PPARG: variants seen among roughly 807,000 people sequenced by gnomAD.
PPARG encodes peroxisome proliferator-activated receptor gamma.
In PPARG, 17 loss-of-function variants were observed where a neutral mutation model predicts 39.2. The observed-to-expected ratio is 0.43, with a 90% CI of 0.30 to 0.65. PPARG has a LOEUF of 0.65. Ranked by LOEUF, PPARG falls within the 30% of genes least tolerant of loss-of-function variation. The pLI is 0.13. For missense variants in PPARG, 406 were observed against 585.9 expected (o/e 0.69, Z 3.17); for synonymous variants, 223 against 215.7 (o/e 1.03, Z -0.30).
intron 2 of PPARG, among the ~76,000 whole-genome samples, chr3:12,368,183 C>CTTTTTTTTTTTTTTTTTTTTTTT (rs556381640): frequency 7.5e-6 from 1 of 133,468 alleles, no homozygotes; most frequent in Non-Finnish European, 1.6e-5. Context: ...TTTTCTTTTT[C>CTTTTTTTTTTTTTTTTTTTTTTT]TTTTTTGTTT....
chr3:12,424,664 G>T (rs1298386027), intron 7 of PPARG, among the ~76,000 whole-genome samples: 1 of 152,166 alleles, frequency 6.6e-6, no homozygotes, highest in African/African-American at 2.4e-5. Flanking sequence ...CCTAGCAGAG[G>T]TAGTGAAGGC....
At chr3:12,401,610 AAGAC>A (rs1474208260) in intron 5 of PPARG, among the ~76,000 whole-genome samples, 1 of 90,882 alleles carries the variant, frequency 1.1e-5, no homozygotes, top group Non-Finnish European at 2.1e-5. Flanking sequence ...CCTCAGCTGA[AAGAC>A]AGAAAAAAAA....
chr3:12,328,434 C>T (rs1247316688), intron 2 of PPARG, among the ~76,000 whole-genome samples: 1 of 152,228 alleles, frequency 6.6e-6, no homozygotes, highest in Non-Finnish European at 1.5e-5. Flanking sequence ...GCCCCATTTG[C>T]TTCCCAGCCC....
chr3:12,332,541 T>C (rs570209072), intron 2 of PPARG, among the ~76,000 whole-genome samples: 20 of 152,212 alleles, frequency 1.3e-4, no homozygotes, highest in Non-Finnish European at 2.6e-4. Flanking sequence ...ATCACAGTTA[T>C]ATGGCATTTG....
At chr3:12,339,038 C>T (rs1474415453) in intron 2 of PPARG, among the ~76,000 whole-genome samples, 1 of 152,044 alleles carries the variant, frequency 6.6e-6, no homozygotes, top group African/African-American at 2.4e-5. Flanking sequence ...TCTAAATGTC[C>T]ATCAGCTGAA....
intron 1 of PPARG, among the ~76,000 whole-genome samples, chr3:12,295,543 C>T (rs369810480): frequency 2.3e-4 from 33 of 146,472 alleles, no homozygotes; most frequent in Admixed American, 6.8e-4. Context: ...GATGGAGTTT[C>T]GCTCTTGTTG....
chr3:12,368,800 A>AT, intron 2 of PPARG, among the ~76,000 whole-genome samples: 1 of 152,306 alleles, frequency 6.6e-6, no homozygotes, highest in Admixed American at 6.5e-5. Flanking sequence ...AGTTGGTAGA[A>AT]TTTATTTTTT....
intron 2 of PPARG, among the ~76,000 whole-genome samples, chr3:12,369,410 C>T (rs114488249): frequency 6.6e-6 from 1 of 152,070 alleles, no homozygotes; most frequent in African/African-American, 2.4e-5. Flanking sequence ...GAGGATTTCT[C>T]GAGCCCGGGA....
chr3:12,348,395 G>C (rs2048386375), intron 2 of PPARG, among the ~76,000 whole-genome samples: 1 of 152,168 alleles, frequency 6.6e-6, no homozygotes, highest in Admixed American at 6.5e-5. Context: ...GCCAAAGACA[G>C]GTTCTGTGAA....
At chr3:12,324,284 A>G (rs1042429312) in intron 2 of PPARG, among the ~76,000 whole-genome samples, 2 of 146,544 alleles carry the variant, frequency 1.4e-5, no homozygotes, top group Non-Finnish European at 3.0e-5. Flanking sequence ...GTCTCAAAAG[A>G]AAAAAAAAAG....
At chr3:12,329,187 A>G (rs180708419) in intron 2 of PPARG, among the ~76,000 whole-genome samples, 33 of 149,610 alleles carry the variant, frequency 2.2e-4, no homozygotes, top group Admixed American at 1.2e-3. Context: ...AAAAAAACCT[A>G]CTGCATAGTG....
chr3:12,356,858 A>G (rs1012662939), intron 2 of PPARG, among the ~76,000 whole-genome samples: 5 of 152,132 alleles, frequency 3.3e-5, no homozygotes, highest in African/African-American at 1.2e-4. Flanking sequence ...CTCCAAGCCT[A>G]GTATGTCTTG....
At chr3:12,384,813 G>T (rs1290854153) in intron 4 of PPARG, among the ~76,000 whole-genome samples, 1 of 152,118 alleles carries the variant, frequency 6.6e-6, no homozygotes, top group Admixed American at 6.6e-5. Flanking sequence ...GTAGCTAATG[G>T]AATGTTTGCT....
chr3:12,406,170 A>G (rs1474915488), intron 6 of PPARG, 89 bp downstream of exon 6: 2 of 1,230,590 alleles, frequency 1.6e-6, no homozygotes, highest in Non-Finnish European at 2.4e-6. Context: ...CTGCGCTACA[A>G]ATGCACACAC....
chr3:12,318,650 C>T (rs1010207524), intron 2 of PPARG, among the ~76,000 whole-genome samples: 2 of 152,092 alleles, frequency 1.3e-5, no homozygotes, highest in East Asian at 3.9e-4. Flanking sequence ...TCAGTGTCTC[C>T]TTCCACAGTT....
At chr3:12,430,949 G>T (rs936787557) in intron 7 of PPARG, among the ~76,000 whole-genome samples, 9 of 152,168 alleles carry the variant, frequency 5.9e-5, no homozygotes, top group African/African-American at 1.9e-4. Context: ...GGAGCAAAAT[G>T]AAACAGAACT....
intron 2 of PPARG, among the ~76,000 whole-genome samples, chr3:12,335,745 C>T (rs1163229177): frequency 2.6e-5 from 4 of 152,140 alleles, no homozygotes; most frequent in African/African-American, 4.8e-5. Context: ...AAATTCACCC[C>T]ACCACGTTCT....
chr3:12,354,897 G>T (rs1333473934), intron 2 of PPARG, among the ~76,000 whole-genome samples: 3 of 152,176 alleles, frequency 2.0e-5, no homozygotes, highest in African/African-American at 7.2e-5. Flanking sequence ...TCTCCTGTGA[G>T]TGTTTTGAGA....
At chr3:12,399,498 C>G (rs1251087991) in intron 5 of PPARG, 3 of 417,842 alleles carry the variant, frequency 7.2e-6, no homozygotes, top group African/African-American at 6.2e-5. Flanking sequence ...GAGGTAGGAG[C>G]TTCCCTTGAA....
Sources: gnomAD v4.1 joint callset for allele counts (sites outside exome capture counted in the v4.1 genomes callset) on GRCh38, gnomAD v4.1.1 for gene constraint, MANE v1.5 for transcripts, NCBI Gene and HGNC (gene_info 2026-07-23, HGNC 2026-07-21) for gene names.